LACTB2: variants seen among roughly 807,000 people sequenced by gnomAD.
LACTB2 encodes the protein lactamase beta 2, also known as endoribonuclease LACTB2.
LACTB2 carries 32 observed loss-of-function variants against 34.8 expected under a neutral mutation model. That is an observed-to-expected ratio of 0.92 (90% CI 0.69 to 1.24). The LOEUF (loss-of-function observed/expected upper bound fraction) is 1.24. Among genes scored for constraint, LACTB2 ranks in the 50% most tolerant of loss-of-function variants. The pLI, the probability that LACTB2 is intolerant of heterozygous loss-of-function variation, is 0.00. For synonymous variants in LACTB2, 120 were observed against 117.5 expected (o/e 1.02, Z -0.14); for missense variants, 320 against 345.0 (o/e 0.93, Z 0.57).
intron 1 of LACTB2, among the ~76,000 whole-genome samples, chr8:70,665,329 A>C (rs1259978656): frequency 1.3e-5 from 2 of 152,250 alleles, no homozygotes; most frequent in Non-Finnish European, 2.9e-5. Flanking sequence ...CATAGTAGGC[A>C]CACAATAACT....
intron 5 of LACTB2, 25 bp downstream of exon 5, chr8:70,640,877 T>C (rs762762263): frequency 9.7e-6 from 15 of 1,549,420 alleles, no homozygotes; most frequent in Admixed American, 4.1e-5. Flanking sequence ...TGTGGCTACA[T>C]ACAAATAAGA....
chr8:70,653,114 CTTTCTTACTAT>C (rs2132075452), intron 3 of LACTB2, among the ~76,000 whole-genome samples: 1 of 152,234 alleles, frequency 6.6e-6, no homozygotes, highest in Non-Finnish European at 1.5e-5. Context: ...TTTTCTTGCT[CTTTCTTACTAT>C]TTTCTTGCAG....
At chr8:70,658,023 C>T (rs1818434300) in intron 2 of LACTB2, 141 bp from the exon 3 acceptor site, 5 of 516,504 alleles carry the variant, frequency 9.7e-6, no homozygotes, top group Non-Finnish European at 1.6e-5. Flanking sequence ...GGATGAATTA[C>T]AGCAGGTTAT....
chr8:70,640,811 C>G (rs1818186975), intron 5 of LACTB2, 91 bp downstream of exon 5: 3 of 1,296,896 alleles, frequency 2.3e-6, no homozygotes, highest in Non-Finnish European at 3.0e-6. Context: ...AACTTCTGAT[C>G]TGGGATATAA....
intron 2 of LACTB2, chr8:70,661,024 C>T (rs35863913): frequency 0.33 from 148,971 of 449,622 alleles, 28,720 homozygotes; most frequent in Non-Finnish European, 0.43. Flanking sequence ...AAGCAATCCA[C>T]ACACCTTGAC....
In LACTB2 at chr8:70,637,435, A is replaced by G. The variant is rs1818136991; in HGVS notation, c.*425T>C. 1 of 152,392 alleles carries G rather than the reference A, an allele frequency of 6.6e-6. No homozygotes were observed. The allele number at this position is 152,392 out of a possible 1,614,324, so 9.4% of individuals were successfully genotyped here. On this transcript the variant is annotated 3_prime_UTR_variant, in exon 7 of 7. Transcript: ENST00000276590. ...AGACAAAGCAATTATGTACAGATAG[A>G]GACAAGGGTTGAGGAAAGAGTAAAG...
In LACTB2 at chr8:70,661,862, G is replaced by A; in HGVS notation, c.158C>T (p.Pro53Leu). ...CTGCTTTAAACAGCTGATGTATTCT[G>A]GAATTGCTGGTTCTCCAGTGTCAAT... ...ILIDTGEPAI[P>L]EYISCLKQAL... Residue 53 changes from proline to leucine, a missense_variant, in exon 2 of 7, where the codon CCA becomes CTA. By Grantham distance (98) the Pro-to-Leu change is moderately conservative. Transcript: ENST00000276590. The A allele has an allele frequency of 6.2e-7, 1 of 1,609,696 alleles. No individual in the cohort carries two copies. Among genetic ancestry groups the A allele is most frequent in the Non-Finnish European group, 8.5e-7 (1 of 1,178,638 alleles).
In LACTB2 at chr8:70,669,154, T is replaced by C. The variant is rs779597146; in HGVS notation, c.-34A>G. On this transcript the variant is annotated 5_prime_UTR_variant, in exon 1 of 7. Coordinates refer to ENST00000276590, the MANE Select transcript of LACTB2 (RefSeq NM_016027.3). ...CAGCCGCCCGCCGGCGTGTCGCCTA[T>C]CTGGATACTCCAGCGCGGAAGAAGC... 1.2e-6 allele frequency: 2 copies of C among 1,609,958 alleles called. No individual in the cohort carries two copies. Among genetic ancestry groups the C allele is most frequent in the African/African-American group, 1.3e-5 (1 of 74,950 alleles).
intron 5 of LACTB2, 187 bp downstream of exon 5, chr8:70,640,715 A>T (rs937671531): frequency 3.6e-6 from 2 of 548,792 alleles, no homozygotes; most frequent in Non-Finnish European, 5.5e-6. Context: ...CGAAATGGCT[A>T]TCTTTGTTCT....
intron 2 of LACTB2, among the ~76,000 whole-genome samples, chr8:70,658,644 A>G (rs756175941): frequency 2.6e-5 from 4 of 152,190 alleles, no homozygotes; most frequent in Non-Finnish European, 5.9e-5. Flanking sequence ...GGATTTATAA[A>G]TATGATAGAA....
intron 1 of LACTB2, among the ~76,000 whole-genome samples, 163 bp downstream of exon 1, chr8:70,668,836 G>A (rs1186005998): frequency 6.7e-6 from 1 of 149,754 alleles, no homozygotes; most frequent in Non-Finnish European, 1.5e-5. Flanking sequence ...CTAGCTTCGA[G>A]ATCCGAGTGT....
intron 2 of LACTB2, 40 bp downstream of exon 2, chr8:70,661,694 C>A: frequency 6.4e-7 from 1 of 1,554,902 alleles, no homozygotes; most frequent in Non-Finnish European, 8.8e-7. Flanking sequence ...TCTCCAAACA[C>A]GGCTTTCCTC....
At chr8:70,643,584 T>G (rs268632) in intron 4 of LACTB2, among the ~76,000 whole-genome samples, 135,791 of 151,828 alleles carry the variant, frequency 0.89, 61,220 homozygotes, top group Middle Eastern at 0.96. Flanking sequence ...GTGCAATCTC[T>G]GCTGACTGCA....
intron 2 of LACTB2, among the ~76,000 whole-genome samples, chr8:70,659,946 A>T (rs1818461448): frequency 6.6e-6 from 1 of 152,182 alleles, no homozygotes; most frequent in Non-Finnish European, 1.5e-5. Flanking sequence ...AAAACTCACT[A>T]AACTGTTCAC....
intron 3 of LACTB2, among the ~76,000 whole-genome samples, chr8:70,650,115 TG>T (rs1818319779): frequency 6.6e-6 from 1 of 152,166 alleles, no homozygotes; most frequent in Non-Finnish European, 1.5e-5. Flanking sequence ...CCCAAAGAGC[TG>T]GGATTACAGG....
At chr8:70,645,418 A>T (rs931814236) in intron 3 of LACTB2, among the ~76,000 whole-genome samples, 3 of 152,196 alleles carry the variant, frequency 2.0e-5, no homozygotes, top group African/African-American at 7.2e-5. Flanking sequence ...TAAATGGTAA[A>T]TTTATTTTAG....
intron 2 of LACTB2, chr8:70,660,559 T>C (rs181781471): frequency 3.1e-4 from 141 of 454,836 alleles, no homozygotes; most frequent in Non-Finnish European, 4.3e-4. Context: ...TAAATAAGCA[T>C]GAATGTTCTT....
rs576383769 is a variant in LACTB2, at chr8:70,643,284, C to T, written c.592+781G>A. ...TGTTGCCCAGGCTGGAGTACAATGG[C>T]GGATCTTGGCTCACTACAACCTCCA... On this transcript the variant is annotated intron_variant, in intron 4 of 6. Coordinates refer to ENST00000276590, the MANE Select transcript of LACTB2 (RefSeq NM_016027.3). Among the ~76,000 whole-genome samples the T allele has an allele frequency of 4.2e-5, 5 of 119,788 alleles. No individual in the cohort carries two copies. In the South Asian group the frequency reaches 1.1e-3, roughly 27 times the overall value. The allele number at this position is 119,788 out of a possible 152,430, so 78.6% of individuals were successfully genotyped here. A position where few individuals can be genotyped will look rare whatever the true frequency, so the allele number is the denominator to read the frequency against.
chr8:70,645,957 A>T (rs1266368272), intron 3 of LACTB2: 10 of 152,284 alleles, frequency 6.6e-5, no homozygotes, highest in African/African-American at 2.4e-4. Context: ...ATAAACATAC[A>T]TGTGCATGTG....
Sources: gnomAD v4.1 joint callset for allele counts (sites outside exome capture counted in the v4.1 genomes callset) on GRCh38, gnomAD v4.1.1 for gene constraint, MANE v1.5 for transcripts, NCBI Gene and HGNC (gene_info 2026-07-23, HGNC 2026-07-21) for gene names.